The following MYO3B variants were observed in gnomAD, a reference collection of about 807,000 sequenced individuals.
The protein encoded by MYO3B is myosin-IIIb.
Under a neutral mutation model 174.6 loss-of-function variants are expected in MYO3B, and 156 were observed. The ratio of observed to expected loss-of-function variants is 0.89; its 90% CI spans 0.78 to 1.02. The LOEUF is 1.02. Among genes scored for constraint, MYO3B ranks in the 50% least tolerant of loss-of-function variants. The pLI, the probability that MYO3B is intolerant of heterozygous loss-of-function variation, is 0.00. For missense variants in MYO3B, 1,632 were observed against 1,639.4 expected (o/e 1.00, Z 0.08); for synonymous variants, 563 against 569.1 (o/e 0.99, Z 0.15).
At chr2:170,312,433 G>A (rs1471560443) in intron 7 of MYO3B, among the ~76,000 whole-genome samples, 1 of 152,256 alleles carries the variant, frequency 6.6e-6, no homozygotes, top group Non-Finnish European at 1.5e-5. Context: ...GGATGACTGT[G>A]CCTATTTAGT....
chr2:170,615,446 G>T (rs1404133517), intron 32 of MYO3B, among the ~76,000 whole-genome samples: 1 of 152,232 alleles, frequency 6.6e-6, no homozygotes, highest in African/African-American at 2.4e-5. Context: ...AGAGGGAATG[G>T]CCAGTGCCAA....
chr2:170,386,998 C>G, intron 13 of MYO3B, 108 bp from the exon 14 acceptor site: 1 of 1,065,148 alleles, frequency 9.4e-7, no homozygotes, highest in Admixed American at 2.2e-5. Flanking sequence ...AAATGGGGCT[C>G]TTTGTAAAAA....
At chr2:170,221,753 G>C (rs1243249293) in intron 6 of MYO3B, among the ~76,000 whole-genome samples, 2 of 148,322 alleles carry the variant, frequency 1.3e-5, no homozygotes, top group Non-Finnish European at 3.0e-5. Flanking sequence ...TTTTTTAAAA[G>C]ATGGGGTCTT....
rs767783178 is a variant in MYO3B at position 170,217,415 on chromosome 2, T to C, written c.603+20T>C. ...CCTGAGGTAAGCTGGAAATACCTAG[T>C]TCTTTCTTTGCACTTGTTGAATGCC... On this transcript the variant is annotated intron_variant, in intron 6 of 34. Transcript: ENST00000408978. 8.1e-6 allele frequency: 13 copies of C among 1,600,198 alleles called. No individual in the cohort carries two copies. The highest frequency in any genetic ancestry group is 1.1e-5 in the Non-Finnish European group (13 of 1,167,472).
chr2:170,180,244 A>G (rs954040313), intron 1 of MYO3B: 22 of 356,230 alleles, frequency 6.2e-5, no homozygotes, highest in African/African-American at 3.8e-4. Flanking sequence ...GACTAGACCA[A>G]TTTGGGGTTG....
intron 32 of MYO3B, among the ~76,000 whole-genome samples, chr2:170,577,226 T>C (rs1692840182): frequency 6.6e-6 from 1 of 152,240 alleles, no homozygotes; most frequent in African/African-American, 2.4e-5. Context: ...TTAATTATTT[T>C]AAAAGTAATT....
intron 25 of MYO3B, among the ~76,000 whole-genome samples, chr2:170,482,840 T>C (rs750523904): frequency 2.2e-4 from 33 of 152,258 alleles, no homozygotes; most frequent in Non-Finnish European, 3.5e-4. Context: ...CAGAATATTA[T>C]AGGCTAAAGA....
At chr2:170,250,398 G>A (rs2093238890) in intron 7 of MYO3B, among the ~76,000 whole-genome samples, 1 of 152,170 alleles carries the variant, frequency 6.6e-6, no homozygotes, top group East Asian at 1.9e-4. Flanking sequence ...GTAGCTTTGG[G>A]CCCCAGTTCA....
intron 28 of MYO3B, among the ~76,000 whole-genome samples, chr2:170,503,322 A>G (rs1429323107): frequency 6.6e-6 from 1 of 152,182 alleles, no homozygotes; most frequent in East Asian, 1.9e-4. Context: ...TAAAACAGAA[A>G]TGGGTCTGCT....
chr2:170,465,354 C>T (rs1684557273), intron 24 of MYO3B, among the ~76,000 whole-genome samples: 1 of 151,950 alleles, frequency 6.6e-6, no homozygotes, highest in South Asian at 2.1e-4. Flanking sequence ...AGGGGAGATC[C>T]CAGACTCTTT....
chr2:170,199,495 T>C, intron 2 of MYO3B, 104 bp downstream of exon 2: 2 of 922,970 alleles, frequency 2.2e-6, no homozygotes, highest in Non-Finnish European at 3.1e-6. Flanking sequence ...AAACCTGGTA[T>C]GAAATCTCAA....
At chr2:170,232,533 A>T (rs936815093) in intron 6 of MYO3B, among the ~76,000 whole-genome samples, 1 of 152,228 alleles carries the variant, frequency 6.6e-6, no homozygotes, top group Non-Finnish European at 1.5e-5. Context: ...AACAATTTTA[A>T]CCAACTGTAA....
chr2:170,622,676 A>C (rs1179058108), intron 32 of MYO3B, among the ~76,000 whole-genome samples: 1 of 151,330 alleles, frequency 6.6e-6, no homozygotes, highest in Non-Finnish European at 1.5e-5. Flanking sequence ...GCACCCATTA[A>C]CTCATCATTT....
intron 28 of MYO3B, among the ~76,000 whole-genome samples, chr2:170,513,719 C>T (rs1262039725): frequency 6.6e-6 from 1 of 152,146 alleles, no homozygotes; most frequent in Non-Finnish European, 1.5e-5. Flanking sequence ...CGAATGTGAG[C>T]TCCTTGGAGG....
At chr2:170,634,907 C>T (rs1402814612) in intron 32 of MYO3B, among the ~76,000 whole-genome samples, 1 of 151,982 alleles carries the variant, frequency 6.6e-6, no homozygotes, top group Non-Finnish European at 1.5e-5. Flanking sequence ...AAATCAAAAC[C>T]ACAATGAGAT....
At chr2:170,311,423 G>T (rs997506355) in intron 7 of MYO3B, among the ~76,000 whole-genome samples, 3 of 112,390 alleles carry the variant, frequency 2.7e-5, no homozygotes, top group Admixed American at 1.1e-4. Context: ...TTTGAAGAAT[G>T]TCTATTCATG....
intron 3 of MYO3B, among the ~76,000 whole-genome samples, chr2:170,204,905 T>G (rs369909157): frequency 3.4e-5 from 2 of 58,662 alleles, no homozygotes; most frequent in East Asian, 6.4e-4. Flanking sequence ...TCACTGAACA[T>G]TTATTCTGAT....
In MYO3B at chr2:170,618,688, G is replaced by T. The variant is rs1695625090; in HGVS notation, c.3734-32940G>T. 2.0e-5 allele frequency among the ~76,000 whole-genome samples: 3 copies of T among 152,156 alleles called. No homozygotes were observed. In the South Asian group the frequency reaches 6.2e-4, roughly 32 times the overall value. On this transcript the variant is annotated intron_variant, in intron 32 of 34. Transcript: ENST00000408978. ...GGTCCCATGGTGCCAACAATGCTCT[G>T]GATATACCAGCGTTTATTATTAAGT...
rs183173618 is a variant in MYO3B at position 170,192,483 on chromosome 2, A to G, written c.3-6725A>G. Among the ~76,000 whole-genome samples, 462 of 149,696 alleles carry G rather than the reference A, an allele frequency of 3.1e-3. 2 individuals carry two copies. Among genetic ancestry groups the G allele is most frequent in the African/African-American group, 0.011 (437 of 40,966 alleles). On this transcript the variant is annotated intron_variant, in intron 1 of 34. Transcript: ENST00000408978. Reference sequence around the variant, plus strand: ...TTTTCTTGATTAATCTATTTTATCTATTTTATTGTTTTGTCCCCAGAGAAC... The same window carrying G: ...TTTTCTTGATTAATCTATTTTATCTGTTTTATTGTTTTGTCCCCAGAGAAC...
Sources: gnomAD v4.1 joint callset for allele counts (sites outside exome capture counted in the v4.1 genomes callset) on GRCh38, gnomAD v4.1.1 for gene constraint, MANE v1.5 for transcripts, NCBI Gene and HGNC (gene_info 2026-07-23, HGNC 2026-07-21) for gene names.